The following AFF3 variants were observed in gnomAD, a reference collection of about 807,000 sequenced individuals.
The protein encoded by AFF3 is ALF transcription elongation factor 3, also known as AF4/FMR2 family member 3.
A neutral mutation model predicts 129.7 loss-of-function variants in AFF3; 32 were observed. That is an observed-to-expected ratio of 0.25 (90% CI 0.19 to 0.33). The LOEUF (loss-of-function observed/expected upper bound fraction) is 0.33. Among genes scored for constraint, AFF3 ranks in the 10% least tolerant of loss-of-function variants. The probability of loss-of-function intolerance (pLI) is 1.00; values close to 1 mark genes in which losing one functional copy is unlikely to be tolerated. For missense variants in AFF3, 1,373 were observed against 1,592.0 expected (o/e 0.86, Z 2.34); for synonymous variants, 644 against 635.4 (o/e 1.01, Z -0.20).
intron 9 of AFF3, among the ~76,000 whole-genome samples, chr2:99,746,971 GA>G (rs936999180): frequency 5.3e-5 from 8 of 150,666 alleles, no homozygotes; most frequent in Non-Finnish European, 1.2e-4. Context: ...AAAAAGAAAG[GA>G]AAAAAAGAAC....
intron 12 of AFF3, among the ~76,000 whole-genome samples, chr2:99,672,026 T>G (rs1687185472): frequency 6.6e-6 from 1 of 152,184 alleles, no homozygotes; most frequent in Admixed American, 6.5e-5. Flanking sequence ...AATTACTTTT[T>G]ATTCATCATT....
intron 4 of AFF3, among the ~76,000 whole-genome samples, chr2:100,055,803 A>C (rs1686721020): frequency 6.6e-6 from 1 of 152,210 alleles, no homozygotes. Context: ...AACTTTATTT[A>C]TAAAAACAAG....
chr2:99,922,549 G>A (rs1246064234), intron 7 of AFF3, among the ~76,000 whole-genome samples: 1 of 152,172 alleles, frequency 6.6e-6, no homozygotes, highest in Non-Finnish European at 1.5e-5. Flanking sequence ...AGTAACCACA[G>A]CAAAGCCTGC....
rs58303232 is a variant in AFF3, at chr2:99,724,271, C to CTTTTT, written c.1091+2801_1091+2805dup. 1.5e-3 allele frequency among the ~76,000 whole-genome samples: 97 copies of CTTTTT among 66,842 alleles called. 11 individuals carry two copies. Among genetic ancestry groups the CTTTTT allele is most frequent in the Non-Finnish European group, 1.7e-3 (69 of 39,758 alleles). 43.9% of individuals were successfully genotyped at this position (66,842 alleles called of 152,430 possible). ...TCCTCACTTCAGTGGAATGACCTTT[C>CTTTTT]TTTTTTTTTTTTTTTTTTTGAGACA... On this transcript the variant is annotated intron_variant, in intron 11 of 24. Coordinates refer to ENST00000672756, the MANE Select transcript of AFF3 (RefSeq NM_001386135.1).
At chr2:99,995,419 C>CTAGA (rs1293622849) in intron 7 of AFF3, among the ~76,000 whole-genome samples, 3 of 151,844 alleles carry the variant, frequency 2.0e-5, no homozygotes, top group Admixed American at 2.0e-4. Context: ...GTCACCCAGG[C>CTAGA]TAGAGTGCAG....
chr2:100,058,574 T>C (rs1344609114), intron 4 of AFF3, among the ~76,000 whole-genome samples: 1 of 152,214 alleles, frequency 6.6e-6, no homozygotes, highest in Admixed American at 6.5e-5. Flanking sequence ...GTCTTTCTTT[T>C]TTTTTGGATG....
chr2:99,573,011 G>A (rs541673505), intron 18 of AFF3, among the ~76,000 whole-genome samples: 7 of 152,284 alleles, frequency 4.6e-5, no homozygotes, highest in South Asian at 4.2e-4. Flanking sequence ...CCTCTCAGCC[G>A]GCCACAGAAG....
chr2:100,141,427 AG>A (rs893016551), intron 1 of AFF3, among the ~76,000 whole-genome samples: 32 of 152,314 alleles, frequency 2.1e-4, no homozygotes, highest in Admixed American at 2.0e-3. Flanking sequence ...CCCTAGGTAA[AG>A]GAAGGTGCTC....
intron 14 of AFF3, among the ~76,000 whole-genome samples, chr2:99,600,482 G>C (rs768711592): frequency 6.6e-6 from 1 of 152,088 alleles, no homozygotes; most frequent in Non-Finnish European, 1.5e-5. Context: ...GATGCTGATC[G>C]GGCCCATTAA....
intron 11 of AFF3, among the ~76,000 whole-genome samples, chr2:99,712,795 G>A (rs1197182875): frequency 6.6e-6 from 1 of 152,160 alleles, no homozygotes; most frequent in African/African-American, 2.4e-5. Context: ...CCACGTTCCT[G>A]GCAGCCTTAT....
intron 1 of AFF3, among the ~76,000 whole-genome samples, chr2:100,135,856 G>A (rs1692619556): frequency 6.6e-6 from 1 of 152,200 alleles, no homozygotes; most frequent in African/African-American, 2.4e-5. Flanking sequence ...GCAGGGGAGA[G>A]ACCATAGGAT....
intron 10 of AFF3, among the ~76,000 whole-genome samples, chr2:99,734,236 AAATT>A (rs1680064697): frequency 1.3e-5 from 2 of 152,024 alleles, no homozygotes; most frequent in South Asian, 2.1e-4. Flanking sequence ...TAGGGAAATG[AAATT>A]AATTGTGTAT....
intron 10 of AFF3, among the ~76,000 whole-genome samples, chr2:99,742,644 G>C (rs1342334285): frequency 6.6e-6 from 1 of 152,208 alleles, no homozygotes; most frequent in South Asian, 2.1e-4. Context: ...GGGATGAAAA[G>C]CTCGTGTCTT....
At chr2:100,053,181 T>C (rs1449208819) in intron 4 of AFF3, among the ~76,000 whole-genome samples, 2 of 152,226 alleles carry the variant, frequency 1.3e-5, no homozygotes, top group East Asian at 3.8e-4. Flanking sequence ...AAAAATTATG[T>C]TTTACTCAAA....
At chr2:99,689,032 C>T (rs1304839988) in intron 11 of AFF3, among the ~76,000 whole-genome samples, 4 of 152,162 alleles carry the variant, frequency 2.6e-5, no homozygotes, top group Non-Finnish European at 4.4e-5. Flanking sequence ...TCCTCTCTCT[C>T]CTCCCTACAG....
chr2:99,833,852 A>T (rs1278901090), intron 8 of AFF3, among the ~76,000 whole-genome samples: 1 of 152,196 alleles, frequency 6.6e-6, no homozygotes, highest in African/African-American at 2.4e-5. Flanking sequence ...ATCCTCACAG[A>T]ACTCTGTTTT....
At chr2:100,126,545 T>C (rs1257209044) in intron 2 of AFF3, among the ~76,000 whole-genome samples, 1 of 152,176 alleles carries the variant, frequency 6.6e-6, no homozygotes, top group Non-Finnish European at 1.5e-5. Flanking sequence ...ATCGAAGCAG[T>C]AATTTACTCA....
intron 7 of AFF3, among the ~76,000 whole-genome samples, chr2:99,863,140 G>C (rs1160277042): frequency 6.6e-6 from 1 of 152,170 alleles, no homozygotes; most frequent in East Asian, 1.9e-4. Context: ...ATTGATTTTT[G>C]CAAGTAATAA....
chr2:99,858,523 C>G (rs555597668), intron 7 of AFF3, among the ~76,000 whole-genome samples: 1 of 152,176 alleles, frequency 6.6e-6, no homozygotes, highest in South Asian at 2.1e-4. Context: ...TGCACTCCAG[C>G]CCAGGCAACA....
Sources: allele counts gnomAD v4.1 joint callset (sites outside exome capture counted in the v4.1 genomes callset), GRCh38; gene constraint gnomAD v4.1.1; transcripts MANE v1.5; gene names NCBI Gene and HGNC (gene_info 2026-07-23, HGNC 2026-07-21).